RASGRF2: variants seen among roughly 807,000 people sequenced by gnomAD.
RASGRF2 encodes Ras protein specific guanine nucleotide releasing factor 2.
In RASGRF2, 76 loss-of-function variants were observed where a neutral mutation model predicts 151.0. The observed-to-expected ratio is 0.50, with a 90% CI of 0.42 to 0.61. The LOEUF (loss-of-function observed/expected upper bound fraction) is 0.61. Ranked by LOEUF, RASGRF2 falls within the 20% of genes least tolerant of loss-of-function variation. RASGRF2 has a pLI of 0.00. For synonymous variants in RASGRF2, 504 were observed against 566.5 expected, an observed-to-expected ratio of 0.89 and a Z score of 1.57; for missense variants, 1,148 against 1,564.6, an observed-to-expected ratio of 0.73 and a Z score of 4.49.
chr5:81,136,895 G>T (rs1387241833), intron 17 of RASGRF2, among the ~76,000 whole-genome samples: 2 of 151,394 alleles, frequency 1.3e-5, no homozygotes, highest in Non-Finnish European at 2.9e-5. Context: ...TGAGTCTACC[G>T]ATGAATCAGA....
chr5:81,216,036 A>C, intron 24 of RASGRF2, 81 bp downstream of exon 24: 10 of 1,250,366 alleles, frequency 8.0e-6, no homozygotes, highest in Non-Finnish European at 9.2e-6. Flanking sequence ...ACAGTGACCT[A>C]CCACCTACTT....
intron 1 of RASGRF2, among the ~76,000 whole-genome samples, chr5:81,034,057 A>G (rs1204866275): frequency 1.3e-5 from 2 of 152,254 alleles, no homozygotes; most frequent in Non-Finnish European, 2.9e-5. Flanking sequence ...AATGCTCATC[A>G]TCACTGGCCA....
At position 81,094,894 on chromosome 5, in the gene RASGRF2, A is replaced by C. The variant is rs745537857; in HGVS notation, c.1657A>C (p.Lys553Gln). The change falls in exon 12 of 27, where the codon AAA (lysine) becomes CAA (glutamine). Residue 553 changes from lysine to glutamine, a missense_variant. Physicochemically the swap from Lys to Gln is moderately conservative, Grantham distance 53. Coordinates refer to ENST00000265080, the MANE Select transcript of RASGRF2 (RefSeq NM_006909.3). ...GCAAGTGTTTGGGCACCTGGATTTT[A>C]AAATAGTGGTGGAGCCTCCTGACGC... is the stretch of plus-strand genomic sequence containing the variant. Reference protein sequence around the residue: ...SGQVFGHLDFKIVVEPPDAAA... With the variant: ...SGQVFGHLDFQIVVEPPDAAA... 6.2e-7 allele frequency: 1 copy of C among 1,603,944 alleles called. No individual in the cohort carries two copies. The highest frequency in any genetic ancestry group is 1.3e-5 in the African/African-American group (1 of 74,686).
intron 22 of RASGRF2, 47 bp downstream of exon 22, chr5:81,208,485 G>A (rs1431853322): frequency 7.5e-7 from 1 of 1,335,598 alleles, no homozygotes; most frequent in East Asian, 3.2e-5. Flanking sequence ...CAAGAAGATG[G>A]ATATTGGGGT....
intron 1 of RASGRF2, among the ~76,000 whole-genome samples, chr5:81,003,274 G>C (rs905603866): frequency 6.8e-6 from 1 of 146,726 alleles, no homozygotes; most frequent in Non-Finnish European, 1.5e-5. Context: ...CCAGGCTGGA[G>C]TGCAATGGCG....
intron 18 of RASGRF2, among the ~76,000 whole-genome samples, chr5:81,184,577 C>T (rs1308776607): frequency 4.6e-5 from 7 of 152,194 alleles, no homozygotes; most frequent in Non-Finnish European, 5.9e-5. Flanking sequence ...CTGCAGATTA[C>T]CACTGGCGCC....
chr5:81,216,143 T>C (rs1363858248), intron 24 of RASGRF2, among the ~76,000 whole-genome samples, 188 bp downstream of exon 24: 2 of 152,174 alleles, frequency 1.3e-5, no homozygotes, highest in East Asian at 3.8e-4. Flanking sequence ...ACAGTAATTG[T>C]CTTATGGATA....
At chr5:81,217,619 G>T (rs1451793713) in intron 25 of RASGRF2, 146 bp downstream of exon 25, 2 of 639,504 alleles carry the variant, frequency 3.1e-6, no homozygotes, top group East Asian at 3.9e-5. Context: ...TCAGTCTATC[G>T]CCCAGGCTGG....
chr5:81,100,654 A>G lies in RASGRF2; in HGVS notation c.1755+5662A>G, dbSNP rs1428075115. Among the ~76,000 whole-genome samples the G allele has an allele frequency of 8.5e-5, 13 of 152,376 alleles. No homozygotes were observed. The Middle Eastern group carries it at 0.01, about 120-fold the overall frequency. ...TGTCATACATAATGGTTTATTAAAC[A>G]GATCCACTGTAATTATGGCTATTAA... On this transcript the variant is annotated intron_variant, in intron 12 of 26. Transcript: ENST00000265080.
intron 18 of RASGRF2, among the ~76,000 whole-genome samples, chr5:81,191,229 T>G (rs1402453153): frequency 6.6e-6 from 1 of 152,186 alleles, no homozygotes; most frequent in East Asian, 1.9e-4. Context: ...CGGCTCTGCC[T>G]TGCTTGTTGC....
In RASGRF2 at chr5:81,024,068, C is replaced by A. The variant is rs184155575; in HGVS notation, c.289-18809C>A. Among the ~76,000 whole-genome samples the A allele has an allele frequency of 4.6e-5, 7 of 152,210 alleles. No homozygotes were observed. The East Asian group carries it at 1.4e-3, about 29-fold the overall frequency. ...CTTGAGAGTTAAGAACTAAAGACAGCTGTCATTTATGGGGCTCATGACTGT... is the reference window on the plus strand; with the variant it reads ...CTTGAGAGTTAAGAACTAAAGACAGATGTCATTTATGGGGCTCATGACTGT... On this transcript the variant is annotated intron_variant, in intron 1 of 26. Coordinates refer to ENST00000265080, the MANE Select transcript of RASGRF2 (RefSeq NM_006909.3).
At chr5:81,128,928 CAG>C (rs539688398) in intron 17 of RASGRF2, among the ~76,000 whole-genome samples, 101 of 151,818 alleles carry the variant, frequency 6.7e-4, no homozygotes, top group Non-Finnish European at 1.1e-3. Context: ...CACCCAAGGT[CAG>C]GGGTTCAAGA....
intron 2 of RASGRF2, among the ~76,000 whole-genome samples, chr5:81,056,988 T>G (rs868537314): frequency 1.9e-4 from 29 of 152,194 alleles, no homozygotes; most frequent in African/African-American, 6.5e-4. Flanking sequence ...TTGGTAGATC[T>G]TCCTCCATCC....
At chr5:81,038,882 C>G (rs1383470567) in intron 1 of RASGRF2, among the ~76,000 whole-genome samples, 1 of 152,100 alleles carries the variant, frequency 6.6e-6, no homozygotes, top group Non-Finnish European at 1.5e-5. Flanking sequence ...GGCCTATATT[C>G]TTGACACTAA....
intron 1 of RASGRF2, among the ~76,000 whole-genome samples, chr5:80,983,592 A>G (rs960375950): frequency 6.6e-6 from 1 of 152,206 alleles, no homozygotes. Flanking sequence ...GGCCTAAAAT[A>G]TTTACTATCT....
intron 18 of RASGRF2, among the ~76,000 whole-genome samples, chr5:81,198,111 A>C (rs936049995): frequency 6.7e-6 from 1 of 149,312 alleles, no homozygotes; most frequent in African/African-American, 2.5e-5. Context: ...TCCAAGAACA[A>C]AAACCTGTTA....
intron 15 of RASGRF2, among the ~76,000 whole-genome samples, chr5:81,118,925 C>T (rs961684466): frequency 2.0e-5 from 3 of 152,182 alleles, no homozygotes; most frequent in Non-Finnish European, 2.9e-5. Context: ...GTTTTCAACA[C>T]CTTGTTTCCC....
chr5:81,195,148 A>C (rs1460372906), intron 18 of RASGRF2, among the ~76,000 whole-genome samples: 2 of 152,174 alleles, frequency 1.3e-5, no homozygotes, highest in Non-Finnish European at 2.9e-5. Flanking sequence ...TGTCATAAAC[A>C]TGGGCAGGCG....
chr5:80,966,406 A>G (rs926909271), intron 1 of RASGRF2, among the ~76,000 whole-genome samples: 5 of 152,198 alleles, frequency 3.3e-5, no homozygotes, highest in East Asian at 3.8e-4. Context: ...AAATGAAACT[A>G]GAAATGATAT....
Sources: allele counts gnomAD v4.1 joint callset (sites outside exome capture counted in the v4.1 genomes callset), GRCh38; gene constraint gnomAD v4.1.1; transcripts MANE v1.5; gene names NCBI Gene and HGNC (gene_info 2026-07-23, HGNC 2026-07-21).